ABI2: variants seen among roughly 807,000 people sequenced by gnomAD.
ABI2 encodes abelson interactor 2.
ABI2 carries 25 observed loss-of-function variants against 59.2 expected under a neutral mutation model. That is an observed-to-expected ratio of 0.42 (90% CI 0.31 to 0.59). The LOEUF is 0.59. Ranked by LOEUF, ABI2 falls within the 20% of genes least tolerant of loss-of-function variation. The probability of loss-of-function intolerance (pLI) is 0.14; values close to 1 mark genes in which losing one functional copy is unlikely to be tolerated. For synonymous variants in ABI2, 213 were observed against 235.5 expected (o/e 0.90, Z 0.87); for missense variants, 545 against 681.8 (o/e 0.80, Z 2.23).
At chr2:203,348,022 C>G (rs2084847688) in intron 1 of ABI2, among the ~76,000 whole-genome samples, 2 of 152,100 alleles carry the variant, frequency 1.3e-5, no homozygotes, top group African/African-American at 4.8e-5. Context: ...GGGTGGATCA[C>G]TTGAGGTCAG....
chr2:203,413,285 A>G (rs1160258647), intron 10 of ABI2, among the ~76,000 whole-genome samples: 1 of 152,214 alleles, frequency 6.6e-6, no homozygotes, highest in Non-Finnish European at 1.5e-5. Context: ...TTGAAAGTTG[A>G]ATAGGATTTA....
chr2:203,356,584 G>A (rs2092097398), intron 1 of ABI2, among the ~76,000 whole-genome samples: 1 of 152,034 alleles, frequency 6.6e-6, no homozygotes, highest in African/African-American at 2.4e-5. Context: ...TACCCAGGCT[G>A]GTCTCGAACT....
chr2:203,364,144 GGT>G lies in ABI2; in HGVS notation c.118-2730_118-2729del, dbSNP rs1253491824. On this transcript the variant is annotated intron_variant, in intron 1 of 11. Transcript: ENST00000261018. ...AGACAGAGTTTCTTGTCCAGGTTGG[GGT>G]GTAGTGGCATGATCTTGGCTCACTG... 2.1e-5 allele frequency among the ~76,000 whole-genome samples: 3 copies of G among 145,870 alleles called. No individual in the cohort carries two copies. In the East Asian group the frequency reaches 6.2e-4, roughly 30 times the overall value.
intron 1 of ABI2, among the ~76,000 whole-genome samples, chr2:203,336,927 GTTC>G (rs1199324741): frequency 6.6e-6 from 1 of 152,106 alleles, no homozygotes; most frequent in Non-Finnish European, 1.5e-5. Flanking sequence ...AGATCCAGTT[GTTC>G]TTCATCTTTG....
chr2:203,421,964 C>CAA (rs35435663), intron 11 of ABI2, among the ~76,000 whole-genome samples: 42 of 102,588 alleles, frequency 4.1e-4, no homozygotes, highest in African/African-American at 8.3e-4. Flanking sequence ...GACTCTGTCT[C>CAA]AAAAAAAAAA....
At chr2:203,421,041 A>C (rs2098181042) in intron 11 of ABI2, among the ~76,000 whole-genome samples, 1 of 152,132 alleles carries the variant, frequency 6.6e-6, no homozygotes, top group South Asian at 2.1e-4. Context: ...GTGGCTAAAA[A>C]TGACAATGCG....
In ABI2 at chr2:203,431,440, C is replaced by T. The variant is rs1363563680; in HGVS notation, c.*4088C>T. The T allele has an allele frequency of 2.0e-5, 3 of 152,514 alleles. No homozygotes were observed. Among genetic ancestry groups the T allele is most frequent in the South Asian group, 2.1e-4 (1 of 4,828 alleles). The allele number at this position is 152,514 out of a possible 1,614,324, so 9.4% of individuals were successfully genotyped here. Reference sequence around the variant, plus strand: ...AAATACCATCAGAGTTGTGTAAAGGCGTGTACTAAGTGCAATCTTAATTTG... The same window carrying T: ...AAATACCATCAGAGTTGTGTAAAGGTGTGTACTAAGTGCAATCTTAATTTG... On this transcript the variant is annotated 3_prime_UTR_variant, in exon 12 of 12. Coordinates refer to ENST00000261018, the MANE Select transcript of ABI2 (RefSeq NM_001375670.1).
chr2:203,376,733 CTTTTTTTTTT>C (rs370295013), intron 2 of ABI2, among the ~76,000 whole-genome samples: 5 of 114,898 alleles, frequency 4.4e-5, no homozygotes, highest in Admixed American at 9.6e-5. Flanking sequence ...TTGGTCTTCC[CTTTTTTTTTT>C]TTTTTTTTTA....
chr2:203,378,278 A>G lies in ABI2; in HGVS notation c.286-1930A>G, dbSNP rs571974528. 7.9e-5 allele frequency among the ~76,000 whole-genome samples: 12 copies of G among 151,920 alleles called. No individual in the cohort carries two copies. The South Asian group carries it at 2.3e-3, about 29-fold the overall frequency. ...CAGGCACCCGCCACCATGCCCGGCT[A>G]ATTTTTGTATTTTTAGTAGAGACGG... On this transcript the variant is annotated intron_variant, in intron 2 of 11. Coordinates refer to ENST00000261018, the MANE Select transcript of ABI2 (RefSeq NM_001375670.1).
Position 203,367,219 on chromosome 2 carries a change from C to T in ABI2, c.285+175C>T, listed in dbSNP as rs966164479. 8 of 847,140 alleles carry T rather than the reference C, an allele frequency of 9.4e-6. No individual in the cohort carries two copies. In the African/African-American group the frequency reaches 1.1e-4, roughly 11 times the overall value. The allele number at this position is 847,140 out of a possible 1,614,324, so 52.5% of individuals were successfully genotyped here. On this transcript the variant is annotated intron_variant, in intron 2 of 11. Transcript: ENST00000261018. ...TGTCTTTTTGTGGGATGGTTATCTTCTCTGTGATTTTGATAGGAAAGTAAA... is the reference window on the plus strand; with the variant it reads ...TGTCTTTTTGTGGGATGGTTATCTTTTCTGTGATTTTGATAGGAAAGTAAA...
chr2:203,366,660 G>A (rs2094477632), intron 1 of ABI2, among the ~76,000 whole-genome samples: 1 of 152,154 alleles, frequency 6.6e-6, no homozygotes, highest in Non-Finnish European at 1.5e-5. Context: ...TTGCATCTGT[G>A]CAAAGATGTG....
At position 203,429,634 on chromosome 2, in the gene ABI2, G is replaced by A. The variant is rs1351255479; in HGVS notation, c.*2282G>A. 1 of 152,158 alleles carries A rather than the reference G, an allele frequency of 6.6e-6. No homozygotes were observed. The highest frequency in any genetic ancestry group is 1.5e-5 in the Non-Finnish European group (1 of 68,148). The allele number at this position is 152,158 out of a possible 1,614,324, so 9.4% of individuals were successfully genotyped here. ...TAGCTGGGCGTGGTGGCGCACACCT[G>A]TAGTCCCAGCTACTTGGGAGGCTGA... On this transcript the variant is annotated 3_prime_UTR_variant, in exon 12 of 12. Transcript: ENST00000261018.
chr2:203,370,814 A>G (rs762830663), intron 2 of ABI2, among the ~76,000 whole-genome samples: 1 of 152,170 alleles, frequency 6.6e-6, no homozygotes, highest in Non-Finnish European at 1.5e-5. Flanking sequence ...TGGAATGGCA[A>G]TAAGCCTCAA....
Position 203,380,694 on chromosome 2 carries a change from A to G in ABI2, c.462+310A>G, listed in dbSNP as rs2153215123. On this transcript the variant is annotated intron_variant, in intron 3 of 11. Coordinates refer to ENST00000261018, the MANE Select transcript of ABI2 (RefSeq NM_001375670.1). The stretch of plus-strand genomic sequence containing the variant: ...TTAATTTAATATGACTGATTAAAAA[A>G]TCATTCATCATGTTATTATGAAAGT... Among the ~76,000 whole-genome samples, 3 of 152,352 alleles carry G rather than the reference A, an allele frequency of 2.0e-5. No individual in the cohort carries two copies. The Middle Eastern group carries it at 0.01, about 518-fold the overall frequency.
intron 1 of ABI2, among the ~76,000 whole-genome samples, chr2:203,343,958 A>G (rs192822829): frequency 5.3e-4 from 80 of 151,860 alleles, no homozygotes; most frequent in African/African-American, 1.9e-3. Flanking sequence ...GACGAGAGAG[A>G]CCCCGTCTCT....
chr2:203,344,288 A>G (rs1576054820), intron 1 of ABI2, among the ~76,000 whole-genome samples: 1 of 152,236 alleles, frequency 6.6e-6, no homozygotes, highest in African/African-American at 2.4e-5. Flanking sequence ...AAACCCCAAC[A>G]ATGCCAGTAA....
Position 203,394,759 on chromosome 2 carries a change from A to G in ABI2, c.638A>G (p.Tyr213Cys). 6.2e-7 allele frequency: 1 copy of G among 1,614,172 alleles called. No homozygotes were observed. The highest frequency in any genetic ancestry group is 1.1e-5 in the South Asian group (1 of 91,086). ...PVRPPVVPND[Y>C]VPSPTRNMAP... ...CGTCCTCCAGTGGTACCAAATGATT[A>G]CGTACCTAGCCCAACCCGTAATATG... Residue 213 changes from tyrosine (Y) to cysteine (C), a missense_variant, in exon 6 of 12, where the codon TAC becomes TGC. Tyr to Cys is a radical substitution (Grantham distance 194). Coordinates refer to ENST00000261018, the MANE Select transcript of ABI2 (RefSeq NM_001375670.1).
rs559984608 is a variant in ABI2, at chr2:203,384,029, T to G, written c.480+1823T>G. On this transcript the variant is annotated intron_variant, in intron 4 of 11. Transcript: ENST00000261018. Reference sequence around the variant, plus strand: ...ACCTCCTTGTTTAAAAGTTTAACTTTTACTATTTTATACAGCATGTTTGAT... The same window carrying G: ...ACCTCCTTGTTTAAAAGTTTAACTTGTACTATTTTATACAGCATGTTTGAT... 2.0e-5 allele frequency among the ~76,000 whole-genome samples: 3 copies of G among 152,184 alleles called. No individual in the cohort carries two copies. The South Asian group carries it at 6.2e-4, about 31-fold the overall frequency.
chr2:203,378,279 A>G (rs563528760), intron 2 of ABI2, among the ~76,000 whole-genome samples: 1 of 151,808 alleles, frequency 6.6e-6, no homozygotes, highest in African/African-American at 2.4e-5. Flanking sequence ...TGCCCGGCTA[A>G]TTTTTGTATT....
Sources: gnomAD v4.1 joint callset for allele counts (sites outside exome capture counted in the v4.1 genomes callset) on GRCh38, gnomAD v4.1.1 for gene constraint, MANE v1.5 for transcripts, NCBI Gene and HGNC (gene_info 2026-07-23, HGNC 2026-07-21) for gene names.